The following FAT4 variants were observed in gnomAD, a reference collection of about 807,000 sequenced individuals.
FAT4 encodes the protein FAT atypical cadherin 4, also known as protocadherin Fat 4.
FAT4 carries 84 observed loss-of-function variants against 303.9 expected under a neutral mutation model. That is an observed-to-expected ratio of 0.28 (90% confidence interval 0.23 to 0.33). FAT4 has a LOEUF of 0.33. FAT4 is among the 10% of genes least tolerant of loss of function. The pLI, the probability that FAT4 is intolerant of heterozygous loss-of-function variation, is 1.00. For missense variants in FAT4, 6,005 were observed against 6,146.8 expected (o/e 0.98, Z 0.77); for synonymous variants, 2,307 against 2,298.8 (o/e 1.00, Z -0.10).
chr4:125,433,815 C>A (rs559025164), intron 7 of FAT4, among the ~76,000 whole-genome samples: 273 of 152,192 alleles, frequency 1.8e-3, no homozygotes, highest in African/African-American at 6.5e-3. Context: ...CAATGATAGT[C>A]ACAGCTGAGA....
intron 7 of FAT4, among the ~76,000 whole-genome samples, chr4:125,429,384 A>C (rs1418714145): frequency 6.6e-6 from 1 of 152,206 alleles, no homozygotes; most frequent in African/African-American, 2.4e-5. Flanking sequence ...TTAACTTATA[A>C]CTTAATAGGA....
chr4:125,479,439 C>G (rs1727145166), intron 14 of FAT4, among the ~76,000 whole-genome samples: 1 of 152,104 alleles, frequency 6.6e-6, no homozygotes, highest in Non-Finnish European at 1.5e-5. Context: ...TATGTATTAA[C>G]CAAAGTGTTT....
intron 7 of FAT4, among the ~76,000 whole-genome samples, chr4:125,433,467 G>C (rs564524677): frequency 2.2e-4 from 33 of 152,264 alleles, no homozygotes; most frequent in African/African-American, 7.9e-4. Context: ...TTTCAGTTAT[G>C]GGGACAGCCC....
Position 125,316,464 on chromosome 4 carries a change from C to T in FAT4, c.53C>T (p.Thr18Ile). The change falls in exon 2 of 18, where the codon ACT becomes ATT. Residue 18 changes from threonine to isoleucine, a missense_variant. Coordinates refer to ENST00000394329, the MANE Select transcript of FAT4 (RefSeq NM_001291303.3). The surrounding 1 kb of genome is among the most constrained non-coding windows in gnomAD (Gnocchi z 5.7). ...ATGRPWLPLH[T>I]LSVSQLLRVF... is the part of the protein sequence containing the mutation. ...GGCCGCCCGTGGCTCCCGTTGCACA[C>T]TCTATCAGTATCTCAGCTCCTTCGA... 3.1e-6 allele frequency: 5 copies of T among 1,613,914 alleles called. No individual in the cohort carries two copies. Among genetic ancestry groups the T allele is most frequent in the Non-Finnish European group, 4.2e-6 (5 of 1,180,010 alleles).
intron 12 of FAT4, among the ~76,000 whole-genome samples, chr4:125,473,690 A>G (rs1463395138): frequency 6.6e-6 from 1 of 152,044 alleles, no homozygotes; most frequent in Non-Finnish European, 1.5e-5. Context: ...TGTAAAATAA[A>G]CGATTTTACC....
At chr4:125,431,159 C>G (rs1725270397) in intron 7 of FAT4, among the ~76,000 whole-genome samples, 1 of 152,170 alleles carries the variant, frequency 6.6e-6, no homozygotes, top group African/African-American at 2.4e-5. Flanking sequence ...ATGTGTATCA[C>G]CAGACACTTT....
chr4:125,396,056 T>G (rs756669071), intron 2 of FAT4, among the ~76,000 whole-genome samples: 3 of 152,154 alleles, frequency 2.0e-5, no homozygotes, highest in Non-Finnish European at 4.4e-5. Context: ...TATGAAAATA[T>G]ATTTGTATAG....
rs772708041 is a variant in FAT4 at position 125,489,979 on chromosome 4, C to G, written c.13163C>G (p.Ser4388Cys). 1.9e-6 allele frequency: 3 copies of G among 1,609,854 alleles called. No homozygotes were observed. Among genetic ancestry groups the G allele is most frequent in the Non-Finnish European group, 2.5e-6 (3 of 1,179,280 alleles). ...LPFSGKHSLA[S>C]ISKTDPSVKI... The stretch of plus-strand genomic sequence containing the variant: ...TTCAGCGGGAAGCATAGCTTGGCCT[C>G]CATCTCAAAAACAGATCCCTCAGTG... Residue 4388 changes from serine to cysteine, a missense_variant, in exon 18 of 18, where the codon TCC becomes TGC. Physicochemically the swap from Ser to Cys is moderately radical, Grantham distance 112. Coordinates refer to ENST00000394329, the MANE Select transcript of FAT4 (RefSeq NM_001291303.3).
At chr4:125,387,135 A>G (rs1182184193) in intron 2 of FAT4, among the ~76,000 whole-genome samples, 1 of 152,194 alleles carries the variant, frequency 6.6e-6, no homozygotes, top group Non-Finnish European at 1.5e-5. Flanking sequence ...CCGGGTTCCT[A>G]ACAGGCCACA....
Position 125,490,951 on chromosome 4 carries a change from C to G in FAT4, c.14135C>G (p.Ser4712Cys), listed in dbSNP as rs147662558. The change falls in exon 18 of 18, where the codon TCT (serine) becomes TGT (cysteine). Residue 4712 changes from serine (S) to cysteine (C), a missense_variant. Transcript: ENST00000394329. ...AGTCCAGCCCCTTTCTCCAAATCTT[C>G]TACGTTCTATAGAAACAGCCCAGCA... The part of the protein sequence containing the change: ...RHSPAPFSKS[S>C]TFYRNSPARE... The G allele has an allele frequency of 0.018, 29,646 of 1,614,206 alleles. 300 individuals carry two copies. Among genetic ancestry groups the G allele is most frequent in the Non-Finnish European group, 0.022 (25,917 of 1,180,040 alleles).
Position 125,317,609 on chromosome 4 carries a change from G to C in FAT4, c.1198G>C (p.Gly400Arg). 1.2e-6 allele frequency: 2 copies of C among 1,613,920 alleles called. No individual in the cohort carries two copies. The highest frequency in any genetic ancestry group is 1.3e-5 in the African/African-American group (1 of 75,036). ...ANGNISVQILGGNEQRHFEVQ... is the reference protein window; with the variant it reads ...ANGNISVQILRGNEQRHFEVQ... ...CGGGAACATCTCCGTGCAAATTCTC[G>C]GGGGCAATGAGCAGCGCCACTTTGA... Residue 400 changes from glycine (G) to arginine (R), a missense_variant, in exon 2 of 18, where the codon GGG (glycine) becomes CGG (arginine). By Grantham distance (125) the Gly-to-Arg change is moderately radical (BLOSUM62 -2). Coordinates refer to ENST00000394329, the MANE Select transcript of FAT4 (RefSeq NM_001291303.3). The surrounding 1 kb of genome is among the most constrained non-coding windows in gnomAD (Gnocchi z 7.0).
chr4:125,490,012 G>A lies in FAT4; in HGVS notation c.13196G>A (p.Gly4399Asp). 1 of 1,614,018 alleles carries A rather than the reference G, an allele frequency of 6.2e-7. No homozygotes were observed. Among genetic ancestry groups the A allele is most frequent in the Non-Finnish European group, 8.5e-7 (1 of 1,180,002 alleles). ...AAAACAGATCCCTCAGTGAAGATTG[G>A]CTGCCGTGGCCCGAACATTTGTGCC... The part of the protein sequence containing the change: ...ISKTDPSVKI[G>D]CRGPNICASN... Residue 4399 changes from glycine to aspartate, a missense_variant, in exon 18 of 18, where the codon GGC (glycine) becomes GAC (aspartate). Transcript: ENST00000394329.
Position 125,320,813 on chromosome 4 carries a change from C to A in FAT4, c.4402C>A (p.His1468Asn), listed in dbSNP as rs373637003. The A allele has an allele frequency of 7.4e-6, 12 of 1,614,058 alleles. No homozygotes were observed. Among genetic ancestry groups the A allele is most frequent in the Non-Finnish European group, 1.0e-5 (12 of 1,179,916 alleles). Residue 1468 changes from histidine (H) to asparagine (N), a missense_variant, in exon 2 of 18, where the codon CAC (histidine) becomes AAC (asparagine). His to Asn is a moderately conservative substitution (Grantham distance 68). Transcript: ENST00000394329. ...CATTCAACAGATGCCAAGAGGCAAC[C>A]ACTTTACCATAGATGAAGTCAAAGG... ...TIIQQMPRGNHFTIDEVKGTI... is the reference protein window; with the variant it reads ...TIIQQMPRGNNFTIDEVKGTI...
At chr4:125,442,701 T>G (rs1725699811) in intron 8 of FAT4, among the ~76,000 whole-genome samples, 1 of 152,190 alleles carries the variant, frequency 6.6e-6, no homozygotes, top group East Asian at 1.9e-4. Context: ...TCTCTCATTA[T>G]GTATATGCAA....
rs1732913312 is a variant in FAT4, at chr4:125,367,027, A to T, written c.5176-31757A>T. 2.6e-5 allele frequency among the ~76,000 whole-genome samples: 4 copies of T among 151,844 alleles called. No homozygotes were observed. The South Asian group carries it at 6.2e-4, about 24-fold the overall frequency. On this transcript the variant is annotated intron_variant, in intron 2 of 17. Coordinates refer to ENST00000394329, the MANE Select transcript of FAT4 (RefSeq NM_001291303.3). ...CCTTTGTCAGATGCATAGTTTGCAA[A>T]TTTTTTTTGCATTCTGTAGGATGTT...
chr4:125,373,284 A>G (rs1210007921), intron 2 of FAT4, among the ~76,000 whole-genome samples: 2 of 152,142 alleles, frequency 1.3e-5, no homozygotes, highest in Admixed American at 6.5e-5. Flanking sequence ...CAGGTTTCAC[A>G]TACATGAAAC....
chr4:125,486,582 A>G (rs545400892), intron 16 of FAT4, among the ~76,000 whole-genome samples: 3 of 152,302 alleles, frequency 2.0e-5, no homozygotes, highest in African/African-American at 4.8e-5. Flanking sequence ...ATCTTGCCTC[A>G]TAAATTATCT....
At chr4:125,408,351 G>A (rs1406179352) in intron 4 of FAT4, 93 bp from the exon 5 acceptor site, 4 of 753,842 alleles carry the variant, frequency 5.3e-6, no homozygotes, top group Non-Finnish European at 8.6e-6. Context: ...ATATTTTACT[G>A]TACAAATACA....
In FAT4 at chr4:125,415,777, T is replaced by C; in HGVS notation, c.6814T>C (p.Leu2272=). Residue 2272 remains leucine, a synonymous_variant, in exon 6 of 18, where the codon TTA becomes CTA. Transcript: ENST00000394329. The stretch of plus-strand genomic sequence containing the variant: ...ATATTCTGTAAATGTCCCTGAGAAT[T>C]TAGGGACACTACCCAGAACAATTCT... ...SPYSVNVPEN[L]GTLPRTILQV... 6.2e-7 allele frequency: 1 copy of C among 1,613,424 alleles called. No homozygotes were observed. Among genetic ancestry groups the C allele is most frequent in the East Asian group, 2.2e-5 (1 of 44,828 alleles).
Sources: gnomAD v4.1 joint callset for allele counts (sites outside exome capture counted in the v4.1 genomes callset) on GRCh38, gnomAD v4.1.1 for gene constraint, Gnocchi (gnomAD v3.1) non-coding constraint, MANE v1.5 for transcripts, NCBI Gene and HGNC (gene_info 2026-07-23, HGNC 2026-07-21) for gene names.